The following ZNF420 variants were observed in gnomAD, a reference collection of about 807,000 sequenced individuals.
ZNF420 encodes ATM and p53-associated KZNF protein.
A neutral mutation model predicts 44.7 loss-of-function variants in ZNF420; 31 were observed. That is an observed-to-expected ratio of 0.69 (90% CI 0.52 to 0.94). The LOEUF (loss-of-function observed/expected upper bound fraction) is 0.94. Ranked by LOEUF, ZNF420 falls within the 40% of genes least tolerant of loss-of-function variation. The pLI is 0.00. For synonymous variants in ZNF420, 245 were observed against 267.4 expected, an observed-to-expected ratio of 0.92 and a Z score of 0.82; for missense variants, 681 against 827.9, an observed-to-expected ratio of 0.82 and a Z score of 2.18.
intron 1 of ZNF420, among the ~76,000 whole-genome samples, chr19:37,053,260 A>T (rs35125214): frequency 2.0e-5 from 3 of 151,890 alleles, no homozygotes; most frequent in African/African-American, 4.8e-5. Context: ...GTTATCCATT[A>T]GTCTAATTTT....
intron 1 of ZNF420, among the ~76,000 whole-genome samples, chr19:37,066,521 CAAAG>C: frequency 1.3e-5 from 2 of 151,846 alleles, no homozygotes; most frequent in African/African-American, 4.8e-5. Flanking sequence ...AGATACTTCA[CAAAG>C]AAAGATGTTT....
chr19:37,078,908 T>A (rs1306162869), intron 1 of ZNF420, among the ~76,000 whole-genome samples: 1 of 152,206 alleles, frequency 6.6e-6, no homozygotes, highest in African/African-American at 2.4e-5. Flanking sequence ...TGTTCTTGTG[T>A]CACTTTGAGG....
chr19:37,087,673 T>C (rs1267755416), intron 2 of ZNF420, among the ~76,000 whole-genome samples: 5 of 152,106 alleles, frequency 3.3e-5, no homozygotes, highest in Non-Finnish European at 7.4e-5. Flanking sequence ...TGAGACAGAG[T>C]CTCACTCTGT....
chr19:37,030,945 T>C (rs1160865697), intron 1 of ZNF420, among the ~76,000 whole-genome samples: 1 of 152,142 alleles, frequency 6.6e-6, no homozygotes, highest in East Asian at 1.9e-4. Flanking sequence ...CTCTTTTGAG[T>C]GAAGTGGCAT....
chr19:37,049,425 G>T (rs1568429405), intron 1 of ZNF420, among the ~76,000 whole-genome samples: 1 of 152,188 alleles, frequency 6.6e-6, no homozygotes, highest in Non-Finnish European at 1.5e-5. Flanking sequence ...GTGTGAGATT[G>T]TATCTCATTG....
chr19:37,016,776 C>T (rs2074611802), intron 1 of ZNF420, among the ~76,000 whole-genome samples: 1 of 152,130 alleles, frequency 6.6e-6, no homozygotes, highest in Non-Finnish European at 1.5e-5. Flanking sequence ...ACTGGGACCC[C>T]TCGGAGGATG....
At chr19:37,035,103 C>T (rs942606066) in intron 1 of ZNF420, among the ~76,000 whole-genome samples, 6 of 152,224 alleles carry the variant, frequency 3.9e-5, no homozygotes, top group Non-Finnish European at 8.8e-5. Context: ...AAACAAGCTT[C>T]ACCCATCACA....
intron 3 of ZNF420, among the ~76,000 whole-genome samples, chr19:37,090,358 A>G (rs1969062279): frequency 6.6e-6 from 1 of 150,812 alleles, no homozygotes; most frequent in African/African-American, 2.4e-5. Flanking sequence ...TTATCAGGGC[A>G]CAGTGGCATG....
At chr19:37,023,274 G>T (rs2074662698) in intron 1 of ZNF420, among the ~76,000 whole-genome samples, 1 of 152,202 alleles carries the variant, frequency 6.6e-6, no homozygotes, top group Non-Finnish European at 1.5e-5. Flanking sequence ...AAAGAGCAAT[G>T]CAATGCTTTC....
intron 1 of ZNF420, among the ~76,000 whole-genome samples, chr19:37,066,161 G>A (rs1967963049): frequency 6.6e-6 from 1 of 152,150 alleles, no homozygotes; most frequent in Non-Finnish European, 1.5e-5. Flanking sequence ...TTTATAACTC[G>A]GCCAGGCGCG....
At chr19:37,022,588 C>G (rs887050797) in intron 1 of ZNF420, among the ~76,000 whole-genome samples, 2 of 152,096 alleles carry the variant, frequency 1.3e-5, no homozygotes, top group Non-Finnish European at 2.9e-5. Context: ...AATCCACTAA[C>G]AATTCCACAG....
rs768660939 is a variant in ZNF420, at chr19:37,091,070, G to A, written c.85G>A (p.Asp29Asn). Residue 29 changes from aspartate (D) to asparagine (N), a missense_variant, in exon 4 of 5, where the codon GAT (aspartate) becomes AAT (asparagine). Around this residue, in one of 3 missense-constraint regions of ZNF420, gnomAD observed 350 missense variants for 382.5 expected, o/e 0.92. Transcript: ENST00000337995. ...GGAATGCCTGGACTCTGCTCAGAGA[G>A]ATTTGTATAGAGATGTGATGTTGGA... ...EWECLDSAQR[D>N]LYRDVMLENY... The A allele has an allele frequency of 6.2e-7, 1 of 1,612,144 alleles. No homozygotes were observed. The highest frequency in any genetic ancestry group is 1.1e-5 in the South Asian group (1 of 90,156).
intron 4 of ZNF420, among the ~76,000 whole-genome samples, chr19:37,119,755 G>C (rs981174773): frequency 2.9e-4 from 44 of 151,070 alleles, no homozygotes; most frequent in African/African-American, 1.1e-3. Flanking sequence ...AAAGAGAGAA[G>C]AATCAAATAG....
In ZNF420 at chr19:37,128,652, C is replaced by G; in HGVS notation, c.1661C>G (p.Thr554Ser). Residue 554 changes from threonine to serine, a missense_variant, in exon 5 of 5, where the codon ACT (threonine) becomes AGT (serine). Physicochemically the swap from Thr to Ser is moderately conservative, Grantham distance 58. Coordinates refer to ENST00000337995, the MANE Select transcript of ZNF420 (RefSeq NM_144689.5). Reference sequence around the variant, plus strand: ...CTTATACAACATCAGAGAATTCATACTGGTGAGAAACCATATCAATGTAAG... The same window carrying G: ...CTTATACAACATCAGAGAATTCATAGTGGTGAGAAACCATATCAATGTAAG... ...LLLIQHQRIH[T>S]GEKPYQCKEC... 1 of 1,614,100 alleles carries G rather than the reference C, an allele frequency of 6.2e-7. No individual in the cohort carries two copies. The highest frequency in any genetic ancestry group is 8.5e-7 in the Non-Finnish European group (1 of 1,179,998).
chr19:37,024,314 C>T (rs979441117), intron 1 of ZNF420, among the ~76,000 whole-genome samples: 16 of 152,064 alleles, frequency 1.1e-4, no homozygotes, highest in Non-Finnish European at 2.2e-4. Context: ...AAGCTGTACC[C>T]GAGCCACTTT....
intron 1 of ZNF420, among the ~76,000 whole-genome samples, chr19:37,067,857 A>G (rs1409669710): frequency 6.6e-6 from 1 of 152,222 alleles, no homozygotes; most frequent in African/African-American, 2.4e-5. Flanking sequence ...TTACAATATA[A>G]TTTAGCAGGA....
chr19:37,027,810 T>C (rs1967183111), intron 1 of ZNF420, among the ~76,000 whole-genome samples: 1 of 152,242 alleles, frequency 6.6e-6, no homozygotes, highest in Admixed American at 6.5e-5. Flanking sequence ...GTTTCAGAGT[T>C]AGTTTATGCA....
At chr19:37,079,824 ACCT>A (rs1968338662) in intron 1 of ZNF420, among the ~76,000 whole-genome samples, 1 of 150,984 alleles carries the variant, frequency 6.6e-6, no homozygotes, top group Non-Finnish European at 1.5e-5. Context: ...TTTCACCATG[ACCT>A]CTACTAAAAA....
chr19:37,128,793 A>T lies in ZNF420; in HGVS notation c.1802A>T (p.Gln601Leu). The change falls in exon 5 of 5, where the codon CAG (glutamine) becomes CTG (leucine). Residue 601 changes from glutamine (Q) to leucine (L), a missense_variant. Transcript: ENST00000337995. ...GGCAAGGCCTTTAGTCATGGCTCTC[A>T]GCTTACTCTACATCAGAGAATCCAT... ...ECGKAFSHGSQLTLHQRIHTG... is the reference protein window; with the variant it reads ...ECGKAFSHGSLLTLHQRIHTG... 6.2e-7 allele frequency: 1 copy of T among 1,613,952 alleles called. No individual in the cohort carries two copies. The highest frequency in any genetic ancestry group is 1.7e-4 in the Middle Eastern group (1 of 6,060).
Sources: allele counts gnomAD v4.1 joint callset (sites outside exome capture counted in the v4.1 genomes callset), GRCh38; gene constraint gnomAD v4.1.1; regional missense constraint gnomAD v4.1.1; transcripts MANE v1.5; gene names NCBI Gene and HGNC (gene_info 2026-07-23, HGNC 2026-07-21).